Variants in TRAPPC8 observed in about 807,000 individuals in gnomAD.
The protein encoded by TRAPPC8 is general sporulation gene 1 homolog.
In TRAPPC8, 54 loss-of-function variants were observed where a neutral mutation model predicts 174.3. The observed-to-expected ratio is 0.31, with a 90% confidence interval of 0.25 to 0.39. TRAPPC8 has a LOEUF of 0.39. Ranked by LOEUF, TRAPPC8 falls within the 10% of genes least tolerant of loss-of-function variation. TRAPPC8 has a pLI of 1.00. For synonymous variants in TRAPPC8, 630 were observed against 579.9 expected (o/e 1.09, Z -1.24); for missense variants, 1,531 against 1,699.1 (o/e 0.90, Z 1.74).
Position 31,886,754 on chromosome 18 carries a change from G to A in TRAPPC8, c.1728+3981C>T, listed in dbSNP as rs574317295. Among the ~76,000 whole-genome samples, 256 of 152,288 alleles carry A rather than the reference G, an allele frequency of 1.7e-3. 1 individual carries two copies. The highest frequency in any genetic ancestry group is 5.0e-3 in the African/African-American group (207 of 41,562). ...TCTCAGTACTTTGGGAGGCTGAGGC[G>A]AGCGGATCACGAGGTCAGGAGTTTG... On this transcript the variant is annotated intron_variant, in intron 12 of 28. Coordinates refer to ENST00000283351, the MANE Select transcript of TRAPPC8 (RefSeq NM_014939.5).
chr18:31,918,901 A>G (rs12604977), intron 2 of TRAPPC8, among the ~76,000 whole-genome samples: 13,413 of 152,256 alleles, frequency 0.088, 839 homozygotes, highest in East Asian at 0.33. Context: ...TTTTACTAAA[A>G]GGACTCCATT....
Position 31,849,749 on chromosome 18 carries a change from G to C in TRAPPC8, c.3562-10C>G. ...TTGCTGAACTTATTATCTGTTAAAA[G>C]AAAATCACTTGTGTTCATAAATGCT... On this transcript the variant is annotated splice_polypyrimidine_tract_variant and intron_variant, in intron 24 of 28. Transcript: ENST00000283351. 1 of 1,574,098 alleles carries C rather than the reference G, an allele frequency of 6.4e-7. No individual in the cohort carries two copies. The highest frequency in any genetic ancestry group is 1.2e-5 in the South Asian group (1 of 84,484).
At chr18:31,935,100 T>C (rs577748449) in intron 1 of TRAPPC8, among the ~76,000 whole-genome samples, 15 of 151,730 alleles carry the variant, frequency 9.9e-5, no homozygotes, top group Admixed American at 3.3e-4. Flanking sequence ...ATCCCAACAC[T>C]TTGAGAGGCC....
At chr18:31,894,047 A>G (rs1035724342) in intron 11 of TRAPPC8, among the ~76,000 whole-genome samples, 1 of 152,198 alleles carries the variant, frequency 6.6e-6, no homozygotes, top group Non-Finnish European at 1.5e-5. Flanking sequence ...CCCAAATTTA[A>G]CACTCAAGAA....
intron 12 of TRAPPC8, among the ~76,000 whole-genome samples, chr18:31,882,950 C>T (rs1437893145): frequency 2.0e-5 from 3 of 147,882 alleles, no homozygotes; most frequent in Non-Finnish European, 3.0e-5. Context: ...TACAGCCAGG[C>T]GCAGTGGCTC....
chr18:31,839,788 A>G (rs940006697), intron 26 of TRAPPC8, among the ~76,000 whole-genome samples: 1 of 152,202 alleles, frequency 6.6e-6, no homozygotes, highest in Non-Finnish European at 1.5e-5. Flanking sequence ...AGTTCATGAC[A>G]ATAATAACTT....
chr18:31,858,096 T>C (rs2034129695), intron 19 of TRAPPC8, 114 bp from the exon 20 acceptor site: 6 of 887,210 alleles, frequency 6.8e-6, no homozygotes, highest in Admixed American at 2.8e-5. Flanking sequence ...AAGTGTTTCA[T>C]TAATTCTTTG....
chr18:31,867,768 A>G (rs1936996152), intron 16 of TRAPPC8, among the ~76,000 whole-genome samples: 1 of 152,090 alleles, frequency 6.6e-6, no homozygotes, highest in African/African-American at 2.4e-5. Flanking sequence ...AATCCAAGCT[A>G]CTCAGGAGGC....
At chr18:31,916,485 C>T (rs747472135) in intron 3 of TRAPPC8, 39 bp from the exon 4 acceptor site, 1 of 1,547,268 alleles carries the variant, frequency 6.5e-7, no homozygotes, top group South Asian at 1.2e-5. Context: ...TCGCTTATTA[C>T]TCAATGATAA....
intron 9 of TRAPPC8, among the ~76,000 whole-genome samples, chr18:31,904,552 G>T (rs559950827): frequency 1.3e-5 from 2 of 152,250 alleles, no homozygotes; most frequent in African/African-American, 4.8e-5. Flanking sequence ...AACAAATAAT[G>T]ATTTGAGAAC....
rs140217771 is a variant in TRAPPC8, at chr18:31,872,198, G to C, written c.2063-1078C>G. ...CCCCAGTTATCGATGGGAGCATGTA[G>C]TATTTGACTTTCTGTTTCTGAGTTA... On this transcript the variant is annotated intron_variant, in intron 14 of 28. Coordinates refer to ENST00000283351, the MANE Select transcript of TRAPPC8 (RefSeq NM_014939.5). 6.1e-3 allele frequency among the ~76,000 whole-genome samples: 930 copies of C among 152,118 alleles called. 12 individuals carry two copies. Among genetic ancestry groups the C allele is most frequent in the African/African-American group, 0.021 (890 of 41,496 alleles).
At chr18:31,924,010 G>A (rs1327139824) in intron 2 of TRAPPC8, among the ~76,000 whole-genome samples, 3 of 152,282 alleles carry the variant, frequency 2.0e-5, no homozygotes, top group Middle Eastern at 3.4e-3. Flanking sequence ...TTAGCCAGGC[G>A]TGGTGGCTCA....
chr18:31,908,688 T>A, intron 7 of TRAPPC8, 66 bp downstream of exon 7: 1 of 1,407,668 alleles, frequency 7.1e-7, no homozygotes, highest in Non-Finnish European at 9.4e-7. Flanking sequence ...CAAATACGTT[T>A]AATAATTCTT....
intron 9 of TRAPPC8, among the ~76,000 whole-genome samples, chr18:31,902,865 C>T (rs945395954): frequency 6.6e-6 from 1 of 151,974 alleles, no homozygotes; most frequent in Admixed American, 6.6e-5. Flanking sequence ...CTGGCTAACA[C>T]AGTGAAACCC....
intron 7 of TRAPPC8, 51 bp from the exon 8 acceptor site, chr18:31,908,469 C>A: frequency 3.2e-6 from 4 of 1,268,066 alleles, no homozygotes; most frequent in South Asian, 3.2e-5. Flanking sequence ...TAGTATTTTT[C>A]CTTTACATAA....
intron 12 of TRAPPC8, among the ~76,000 whole-genome samples, chr18:31,887,764 C>T (rs7228817): frequency 0.25 from 38,173 of 149,972 alleles, 5,359 homozygotes; most frequent in South Asian, 0.52. Context: ...CAAGGATGCC[C>T]TCTCTCATCA....
At chr18:31,910,983 A>G (rs2036879495) in intron 5 of TRAPPC8, among the ~76,000 whole-genome samples, 1 of 152,198 alleles carries the variant, frequency 6.6e-6, no homozygotes, top group Non-Finnish European at 1.5e-5. Flanking sequence ...CCCCAGCATT[A>G]TCTTAAAGAA....
intron 19 of TRAPPC8, among the ~76,000 whole-genome samples, chr18:31,862,908 A>C (rs1598625010): frequency 6.6e-6 from 1 of 152,008 alleles, no homozygotes; most frequent in African/African-American, 2.4e-5. Flanking sequence ...ACAAAAAATT[A>C]GCCGGTGCAT....
chr18:31,896,875 C>A (rs549978593), intron 11 of TRAPPC8, among the ~76,000 whole-genome samples: 1 of 152,266 alleles, frequency 6.6e-6, no homozygotes, highest in East Asian at 1.9e-4. Context: ...CTGCCCGCCT[C>A]GGCCTCCCAG....
Sources: gnomAD v4.1 joint callset for allele counts (sites outside exome capture counted in the v4.1 genomes callset) on GRCh38, gnomAD v4.1.1 for gene constraint, MANE v1.5 for transcripts, NCBI Gene and HGNC (gene_info 2026-07-23, HGNC 2026-07-21) for gene names.